Variants in PTK7 observed in about 807,000 individuals in gnomAD.
PTK7 encodes inactive tyrosine-protein kinase 7.
A neutral mutation model predicts 116.6 loss-of-function variants in PTK7; 39 were observed. The observed-to-expected ratio is 0.33, with a 90% CI of 0.26 to 0.44. The LOEUF (loss-of-function observed/expected upper bound fraction) is 0.44. Among genes scored for constraint, PTK7 ranks in the 20% least tolerant of loss-of-function variants. The probability of loss-of-function intolerance (pLI) is 1.00; values close to 1 mark genes in which losing one functional copy is unlikely to be tolerated. For missense variants in PTK7, 1,169 were observed against 1,425.6 expected (o/e 0.82, Z 2.90); for synonymous variants, 546 against 563.6 (o/e 0.97, Z 0.44).
intron 1 of PTK7, among the ~76,000 whole-genome samples, chr6:43,088,009 A>G (rs1766749569): frequency 6.6e-6 from 1 of 152,196 alleles, no homozygotes; most frequent in African/African-American, 2.4e-5. Context: ...GGTGAGGAAT[A>G]GGGCTGAAGC....
At chr6:43,133,019 C>T in intron 7 of PTK7, 1 of 476,780 alleles carries the variant, frequency 2.1e-6, no homozygotes, top group Non-Finnish European at 3.7e-6. Context: ...ACCCACCTTA[C>T]TGGGGTTCAG....
At chr6:43,131,322 G>A (rs562233842) in intron 5 of PTK7, among the ~76,000 whole-genome samples, 7 of 151,440 alleles carry the variant, frequency 4.6e-5, no homozygotes, top group East Asian at 1.9e-4. Flanking sequence ...CCCTATCAAC[G>A]TGGCCCTGTG....
chr6:43,108,740 T>C (rs1309579203), intron 1 of PTK7, among the ~76,000 whole-genome samples: 3 of 152,228 alleles, frequency 2.0e-5, no homozygotes, highest in Admixed American at 2.0e-4. Flanking sequence ...TGTAGAGGCT[T>C]CATCAAGTTC....
intron 17 of PTK7, among the ~76,000 whole-genome samples, chr6:43,151,685 C>A (rs113551665): frequency 2.0e-5 from 3 of 150,114 alleles, no homozygotes; most frequent in East Asian, 2.0e-4. Context: ...TACAGGCGCC[C>A]GCCACCATGC....
intron 17 of PTK7, among the ~76,000 whole-genome samples, chr6:43,152,539 C>T (rs1323646885): frequency 2.6e-5 from 4 of 152,186 alleles, no homozygotes; most frequent in Non-Finnish European, 5.9e-5. Context: ...TGAGGTTTTT[C>T]CCAACTCTAA....
rs183459357 is a variant in PTK7 at position 43,149,697 on chromosome 6, A to C, written c.2721+2999A>C. Among the ~76,000 whole-genome samples, 209 of 152,324 alleles carry C rather than the reference A, an allele frequency of 1.4e-3. 1 individual carries two copies. Among genetic ancestry groups the C allele is most frequent in the Non-Finnish European group, 1.3e-3 (86 of 68,040 alleles). ...AAGACCTGCATCACTTAGCAACAAC[A>C]AAAAAGAAATGCATTTTACTCATGA... On this transcript the variant is annotated intron_variant, in intron 17 of 19. Transcript: ENST00000230419.
intron 1 of PTK7, among the ~76,000 whole-genome samples, chr6:43,092,777 A>T (rs1767021562): frequency 6.6e-6 from 1 of 152,170 alleles, no homozygotes; most frequent in African/African-American, 2.4e-5. Context: ...TGTGATGGTT[A>T]TCTGTGGAGG....
At chr6:43,119,834 G>T (rs370404104) in intron 1 of PTK7, among the ~76,000 whole-genome samples, 4 of 152,254 alleles carry the variant, frequency 2.6e-5, no homozygotes, top group South Asian at 4.2e-4. Context: ...TTTGGGGCCA[G>T]ATCCGTTCCC....
At chr6:43,117,537 A>G (rs898456219) in intron 1 of PTK7, among the ~76,000 whole-genome samples, 2 of 152,182 alleles carry the variant, frequency 1.3e-5, no homozygotes, top group East Asian at 3.9e-4. Context: ...GCAGCTCCTG[A>G]GCCTGCCATT....
intron 1 of PTK7, among the ~76,000 whole-genome samples, chr6:43,086,373 T>G (rs899315271): frequency 6.6e-6 from 1 of 151,332 alleles, no homozygotes; most frequent in Non-Finnish European, 1.5e-5. Flanking sequence ...GGGGCCCGCA[T>G]GGGCACTATC....
chr6:43,084,771 G>T (rs907759577), intron 1 of PTK7, among the ~76,000 whole-genome samples: 1 of 152,202 alleles, frequency 6.6e-6, no homozygotes, highest in Non-Finnish European at 1.5e-5. Flanking sequence ...GTAAGTCTGA[G>T]ATGTAGGAGC....
rs567554148 is a variant in PTK7, at chr6:43,076,762, C to T, written c.79+195C>T. On this transcript the variant is annotated intron_variant, in intron 1 of 19. Coordinates refer to ENST00000230419, the MANE Select transcript of PTK7 (RefSeq NM_002821.5). This position sits in a 1 kb window ranked among gnomAD's most constrained non-coding sequence, Gnocchi z 5.7. ...GGGAGGCTGGCGAAGCCTCCAGGGACGCGGTCAGGGTACCCCTCCCACTCG... is the reference window on the plus strand; with the variant it reads ...GGGAGGCTGGCGAAGCCTCCAGGGATGCGGTCAGGGTACCCCTCCCACTCG... 1.2e-5 allele frequency: 17 copies of T among 1,396,052 alleles called. No individual in the cohort carries two copies. The East Asian group carries it at 2.8e-4, about 23-fold the overall frequency. The allele number at this position is 1,396,052 out of a possible 1,614,324, so 86.5% of individuals were successfully genotyped here. A position where few individuals can be genotyped will look rare whatever the true frequency, so the allele number is the denominator to read the frequency against.
chr6:43,126,654 A>G (rs955188969), intron 1 of PTK7, among the ~76,000 whole-genome samples: 21 of 152,234 alleles, frequency 1.4e-4, no homozygotes, highest in South Asian at 4.1e-4. Context: ...TCTTTGGGTC[A>G]TAGTCCTGGC....
In PTK7 at chr6:43,126,233, T is replaced by C. The variant is rs150250317; in HGVS notation, c.80-2744T>C. 1.2e-3 allele frequency among the ~76,000 whole-genome samples: 186 copies of C among 152,188 alleles called. 3 individuals are homozygous for C. The highest frequency in any genetic ancestry group is 4.3e-3 in the African/African-American group (178 of 41,528). On this transcript the variant is annotated intron_variant, in intron 1 of 19. Transcript: ENST00000230419. ...TACTCGGGAGGCTAAGGCATGAGAATCGCTTAAATCCGAGAGGTGGAGGTT... is the reference window on the plus strand; with the variant it reads ...TACTCGGGAGGCTAAGGCATGAGAACCGCTTAAATCCGAGAGGTGGAGGTT...
At chr6:43,116,555 T>A (rs1292453334) in intron 1 of PTK7, among the ~76,000 whole-genome samples, 1 of 151,586 alleles carries the variant, frequency 6.6e-6, no homozygotes, top group African/African-American at 2.4e-5. Context: ...CAGCCTCTAG[T>A]GAATTTTTGG....
intron 1 of PTK7, among the ~76,000 whole-genome samples, chr6:43,096,132 G>A (rs1767238515): frequency 1.3e-5 from 2 of 152,208 alleles, no homozygotes; most frequent in South Asian, 2.1e-4. Flanking sequence ...TGAAGATGTG[G>A]CAGCTGAATT....
At chr6:43,081,531 A>G (rs1766378384) in intron 1 of PTK7, among the ~76,000 whole-genome samples, 1 of 152,046 alleles carries the variant, frequency 6.6e-6, no homozygotes, top group Non-Finnish European at 1.5e-5. Flanking sequence ...CAGCCTCCTG[A>G]GTACCTGGGT....
chr6:43,116,949 G>A (rs777947746), intron 1 of PTK7, among the ~76,000 whole-genome samples: 15 of 152,116 alleles, frequency 9.9e-5, no homozygotes, highest in Non-Finnish European at 1.9e-4. Context: ...TCAGCCTCCC[G>A]AGTAGCTGGG....
chr6:43,114,760 A>T (rs1445723267), intron 1 of PTK7, among the ~76,000 whole-genome samples: 1 of 151,932 alleles, frequency 6.6e-6, no homozygotes, highest in Non-Finnish European at 1.5e-5. Context: ...TCTGGTGATG[A>T]GTTGCAAGAT....
Sources: allele counts gnomAD v4.1 joint callset (sites outside exome capture counted in the v4.1 genomes callset), GRCh38; gene constraint gnomAD v4.1.1; non-coding constraint Gnocchi (gnomAD v3.1); transcripts MANE v1.5; gene names NCBI Gene and HGNC (gene_info 2026-07-23, HGNC 2026-07-21).